LAMB4: variants seen among roughly 807,000 people sequenced by gnomAD.
The protein encoded by LAMB4 is laminin subunit beta-4.
In LAMB4, 196 loss-of-function variants were observed where a neutral mutation model predicts 199.2. That is an observed-to-expected ratio of 0.98 (90% CI 0.88 to 1.11). The LOEUF (loss-of-function observed/expected upper bound fraction) is 1.11, where lower values mean the gene tolerates loss of function less well. Among genes scored for constraint, LAMB4 ranks in the 50% least tolerant of loss-of-function variants. The probability of loss-of-function intolerance (pLI) is 0.00; values close to 1 mark genes in which losing one functional copy is unlikely to be tolerated. For missense variants in LAMB4, 2,080 were observed against 2,171.2 expected (o/e 0.96, Z 0.83); for synonymous variants, 744 against 770.6 (o/e 0.97, Z 0.57).
At chr7:108,077,950 A>C (rs757268005) in intron 16 of LAMB4, among the ~76,000 whole-genome samples, 11 of 152,228 alleles carry the variant, frequency 7.2e-5, no homozygotes, top group Non-Finnish European at 1.2e-4. Flanking sequence ...GTTTTCAGTA[A>C]GTCTTTTAAG....
At chr7:108,102,188 A>G (rs540555375) in intron 10 of LAMB4, among the ~76,000 whole-genome samples, 1 of 152,354 alleles carries the variant, frequency 6.6e-6, no homozygotes, top group South Asian at 2.1e-4. Context: ...AAATGAACAA[A>G]TAAGTTTTGT....
intron 4 of LAMB4, among the ~76,000 whole-genome samples, chr7:108,110,492 C>T (rs762768132): frequency 6.6e-6 from 1 of 152,166 alleles, no homozygotes; most frequent in African/African-American, 2.4e-5. Flanking sequence ...TACAGTGAAT[C>T]GGGGTTCAGC....
chr7:108,021,927 C>T (rs1584567686), downstream of LAMB4, among the ~76,000 whole-genome samples: 1 of 152,164 alleles, frequency 6.6e-6, no homozygotes, highest in East Asian at 1.9e-4. Context: ...TCTATTTAGT[C>T]AATATGGTAC....
intron 26 of LAMB4, among the ~76,000 whole-genome samples, chr7:108,050,053 C>A (rs997747760): frequency 2.6e-5 from 4 of 152,184 alleles, no homozygotes; most frequent in African/African-American, 9.7e-5. Flanking sequence ...CTGGCCATAG[C>A]ATTTCTATTC....
At chr7:108,059,108 T>C (rs1198440485) in intron 23 of LAMB4, among the ~76,000 whole-genome samples, 1 of 119,680 alleles carries the variant, frequency 8.4e-6, no homozygotes, top group Admixed American at 7.7e-5. Context: ...TTTTTTTTTT[T>C]TTTTTTTTTT....
At chr7:108,018,849 T>C (rs2034635539), downstream of LAMB4, among the ~76,000 whole-genome samples, 1 of 152,186 alleles carries the variant, frequency 6.6e-6, no homozygotes, top group Admixed American at 6.5e-5. Flanking sequence ...TTTTATGGCT[T>C]TCATCCACCC....
At chr7:108,130,249 C>A (rs1375788396) in intron 1 of LAMB4, 57 bp downstream of exon 1, 1 of 152,148 alleles carries the variant, frequency 6.6e-6, no homozygotes, top group Non-Finnish European at 1.5e-5. Context: ...AATTCTAATA[C>A]CTTCATTTAA....
intron 5 of LAMB4, 140 bp downstream of exon 5, chr7:108,109,031 C>T: frequency 1.6e-6 from 1 of 634,180 alleles, no homozygotes; most frequent in East Asian, 2.7e-5. Context: ...ATGTAAGAGT[C>T]AAAGCTCAGG....
chr7:108,115,653 AAG>A (rs143903089), intron 3 of LAMB4, among the ~76,000 whole-genome samples: 4,385 of 152,340 alleles, frequency 0.029, 186 homozygotes, highest in African/African-American at 0.096. Flanking sequence ...TAACAATAAA[AAG>A]AACACATTTT....
chr7:108,065,737 T>A (rs1457990666), intron 21 of LAMB4, 25 bp downstream of exon 21: 1 of 1,593,654 alleles, frequency 6.3e-7, no homozygotes, highest in African/African-American at 1.3e-5. Context: ...AGAGAAAAAA[T>A]TGCATCAAGC....
At chr7:108,083,429 C>A (rs2037035883) in intron 14 of LAMB4, among the ~76,000 whole-genome samples, 1 of 152,190 alleles carries the variant, frequency 6.6e-6, no homozygotes, top group South Asian at 2.1e-4. Context: ...GCCTTGGCAG[C>A]ACTCTTTTCT....
chr7:108,121,434 G>T (rs2038594100), intron 2 of LAMB4, among the ~76,000 whole-genome samples: 1 of 152,176 alleles, frequency 6.6e-6, no homozygotes, highest in Non-Finnish European at 1.5e-5. Flanking sequence ...CGTTCATGCA[G>T]ATTATAATGG....
At chr7:108,080,433 A>C (rs1241489831) in intron 14 of LAMB4, among the ~76,000 whole-genome samples, 1 of 152,044 alleles carries the variant, frequency 6.6e-6, no homozygotes, top group East Asian at 1.9e-4. Context: ...TCTTCTTGTT[A>C]CTTTTGCCTG....
At chr7:108,028,933 G>C in intron 33 of LAMB4, 110 bp downstream of exon 33, 1 of 1,034,336 alleles carries the variant, frequency 9.7e-7, no homozygotes, top group Non-Finnish European at 1.4e-6. Flanking sequence ...TCTCTCCTCA[G>C]TGGACCCAAG....
chr7:108,057,747 A>G lies in LAMB4; in HGVS notation c.3379+85T>C, dbSNP rs112754839. 4.7e-5 allele frequency: 39 copies of G among 828,130 alleles called. No individual in the cohort carries two copies. In the African/African-American group the frequency reaches 5.1e-4, roughly 11 times the overall value. 51.3% of individuals were successfully genotyped at this position (828,130 alleles called of 1,614,324 possible). A position where few individuals can be genotyped will look rare whatever the true frequency, so the allele number is the denominator to read the frequency against. ...CTTATTAAAAGCACCAAAAAAAGAA[A>G]TTTAAAATTCAGTTGGTTCATAGCA... On this transcript the variant is annotated intron_variant, in intron 24 of 33. Coordinates refer to ENST00000388781, the MANE Select transcript of LAMB4 (RefSeq NM_007356.3).
chr7:108,061,643 G>T lies in LAMB4; in HGVS notation c.3282+1131C>A, dbSNP rs989099840. Among the ~76,000 whole-genome samples the T allele has an allele frequency of 2.0e-5, 3 of 151,122 alleles. No homozygotes were observed. In the South Asian group the frequency reaches 6.3e-4, roughly 32 times the overall value. ...AATCCCATCTACTCAGGAGGCTGACGCAGGAGAATCGCTTGAACCCAGGAG... is the reference window on the plus strand; with the variant it reads ...AATCCCATCTACTCAGGAGGCTGACTCAGGAGAATCGCTTGAACCCAGGAG... On this transcript the variant is annotated intron_variant, in intron 23 of 33. Coordinates refer to ENST00000388781, the MANE Select transcript of LAMB4 (RefSeq NM_007356.3).
rs34929844 is a variant in LAMB4 at position 108,082,329 on chromosome 7, T to TAA, written c.1702-2545_1702-2544dup. Among the ~76,000 whole-genome samples the TAA allele has an allele frequency of 2.4e-3, 250 of 104,586 alleles. 2 individuals carry two copies. The highest frequency in any genetic ancestry group is 7.5e-3 in the African/African-American group (200 of 26,644). The allele number at this position is 104,586 out of a possible 152,430, so 68.6% of individuals were successfully genotyped here. ...TGGGCGAAAGAGCGAGACTCCGTCT[T>TAA]AAAAAAAAAAAAAAAAAAAAAAGAG... On this transcript the variant is annotated intron_variant, in intron 14 of 33. Coordinates refer to ENST00000388781, the MANE Select transcript of LAMB4 (RefSeq NM_007356.3).
At chr7:108,031,806 G>C (rs1419542306) in intron 31 of LAMB4, among the ~76,000 whole-genome samples, 3 of 152,096 alleles carry the variant, frequency 2.0e-5, no homozygotes, top group Non-Finnish European at 4.4e-5. Flanking sequence ...TCTCCGGCTG[G>C]TGCAAGTGGC....
intron 4 of LAMB4, among the ~76,000 whole-genome samples, chr7:108,110,148 C>T (rs2038169142): frequency 2.0e-5 from 3 of 152,136 alleles, no homozygotes; most frequent in Non-Finnish European, 4.4e-5. Context: ...ACTGCCTCAG[C>T]CTCCTGAGTA....
Sources: gnomAD v4.1 joint callset for allele counts (sites outside exome capture counted in the v4.1 genomes callset) on GRCh38, gnomAD v4.1.1 for gene constraint, MANE v1.5 for transcripts, NCBI Gene and HGNC (gene_info 2026-07-23, HGNC 2026-07-21) for gene names.